The following SLC7A14 variants were observed in gnomAD, a reference collection of about 807,000 sequenced individuals.
SLC7A14 encodes gamma-aminobutyric acid transporter SLC7A14.
A neutral mutation model predicts 60.2 loss-of-function variants in SLC7A14; 37 were observed. That is an observed-to-expected ratio of 0.61 (90% CI 0.47 to 0.81). The LOEUF (loss-of-function observed/expected upper bound fraction) is 0.81. Ranked by LOEUF, SLC7A14 falls within the 30% of genes least tolerant of loss-of-function variation. The pLI, the probability that SLC7A14 is intolerant of heterozygous loss-of-function variation, is 0.00. For missense variants in SLC7A14, 886 were observed against 982.7 expected (o/e 0.90, Z 1.32); for synonymous variants, 399 against 395.8 (o/e 1.01, Z -0.10).
At position 170,465,481 on chromosome 3, in the gene SLC7A14, A is replaced by G. The variant is rs1577487155; in HGVS notation, c.*1574T>C. The G allele has an allele frequency of 6.6e-6, 1 of 152,256 alleles. No homozygotes were observed. The highest frequency in any genetic ancestry group is 1.5e-5 in the Non-Finnish European group (1 of 68,042). 9.4% of individuals were successfully genotyped at this position (152,256 alleles called of 1,614,324 possible). ...AAAAATGGACTTTTACCTCCTTGCC[A>G]TAATCCTAAAGCATGCCAAGATGGC... On this transcript the variant is annotated 3_prime_UTR_variant, in exon 8 of 8. Coordinates refer to ENST00000231706, the MANE Select transcript of SLC7A14 (RefSeq NM_020949.3).
intron 2 of SLC7A14, among the ~76,000 whole-genome samples, chr3:170,508,312 T>G (rs2108284281): frequency 6.6e-6 from 1 of 152,330 alleles, no homozygotes; most frequent in East Asian, 1.9e-4. Flanking sequence ...GAAAACAATT[T>G]GCCAACTTTA....
chr3:170,471,678 G>A (rs1233302396), intron 7 of SLC7A14, among the ~76,000 whole-genome samples: 1 of 152,102 alleles, frequency 6.6e-6, no homozygotes, highest in Non-Finnish European at 1.5e-5. Context: ...ACTGGGAACG[G>A]CATCATATAC....
intron 1 of SLC7A14, among the ~76,000 whole-genome samples, chr3:170,547,427 C>T (rs1220272127): frequency 2.6e-5 from 4 of 152,068 alleles, no homozygotes; most frequent in African/African-American, 9.7e-5. Flanking sequence ...TGACCAGAAG[C>T]CTTACCAACA....
intron 2 of SLC7A14, among the ~76,000 whole-genome samples, chr3:170,511,408 GA>G (rs201786258): frequency 6.6e-6 from 1 of 151,370 alleles, no homozygotes; most frequent in Non-Finnish European, 1.5e-5. Flanking sequence ...AAAAAAAAAA[GA>G]AAAAAAAGGA....
chr3:170,544,399 A>G (rs1714116441), intron 1 of SLC7A14, among the ~76,000 whole-genome samples: 1 of 152,158 alleles, frequency 6.6e-6, no homozygotes, highest in South Asian at 2.1e-4. Flanking sequence ...AAAAACTGAG[A>G]GATTAAAAGG....
In SLC7A14 at chr3:170,466,630, C is replaced by G. The variant is rs1399826009; in HGVS notation, c.*425G>C. 6.4e-6 allele frequency: 1 copy of G among 157,186 alleles called. No homozygotes were observed. Among genetic ancestry groups the G allele is most frequent in the Non-Finnish European group, 1.4e-5 (1 of 71,598 alleles). The allele number at this position is 157,186 out of a possible 1,614,324, so 9.7% of individuals were successfully genotyped here. On this transcript the variant is annotated 3_prime_UTR_variant, in exon 8 of 8. Coordinates refer to ENST00000231706, the MANE Select transcript of SLC7A14 (RefSeq NM_020949.3). Reference sequence around the variant, plus strand: ...AAGTGCCAATGCCCATCTACCCACCCTGACCTCGGGGAGCAGCACTCAGCC... The same window carrying G: ...AAGTGCCAATGCCCATCTACCCACCGTGACCTCGGGGAGCAGCACTCAGCC...
At chr3:170,527,230 C>CA in intron 1 of SLC7A14, 142 bp from the exon 2 acceptor site, 1 of 436,106 alleles carries the variant, frequency 2.3e-6, no homozygotes, top group Admixed American at 3.7e-5. Context: ...TTCCATGGTT[C>CA]CACTCTCCTT....
chr3:170,562,151 G>C (rs1300988663), intron 1 of SLC7A14, among the ~76,000 whole-genome samples: 1 of 152,154 alleles, frequency 6.6e-6, no homozygotes, highest in African/African-American at 2.4e-5. Flanking sequence ...TATCTACCCA[G>C]AGGAATAAAA....
rs11336080 is a variant in SLC7A14 at position 170,499,236 on chromosome 3, C to CAAA, written c.542-355_542-353dup. On this transcript the variant is annotated intron_variant, in intron 3 of 7. Transcript: ENST00000231706. Reference sequence around the variant, plus strand: ...TGGGGGACAGAGTGAGACTCTGTCTCAAAAAAAAAAAAAAAAAAAAAAAAA... The same window carrying CAAA: ...TGGGGGACAGAGTGAGACTCTGTCTCAAAAAAAAAAAAAAAAAAAAAAAAAAAA... 5.0e-3 allele frequency among the ~76,000 whole-genome samples: 297 copies of CAAA among 59,928 alleles called. 2 individuals carry two copies. The highest frequency in any genetic ancestry group is 5.6e-3 in the Non-Finnish European group (207 of 36,868). 39.3% of individuals were successfully genotyped at this position (59,928 alleles called of 152,430 possible).
At chr3:170,564,216 T>G (rs1477150766) in intron 1 of SLC7A14, among the ~76,000 whole-genome samples, 1 of 152,148 alleles carries the variant, frequency 6.6e-6, no homozygotes, top group Non-Finnish European at 1.5e-5. Flanking sequence ...TCATAGAAAT[T>G]ATAGGTCCTC....
intron 1 of SLC7A14, among the ~76,000 whole-genome samples, chr3:170,563,985 T>C (rs1160866921): frequency 1.3e-5 from 2 of 152,228 alleles, no homozygotes; most frequent in African/African-American, 4.8e-5. Flanking sequence ...CTTACTATTA[T>C]GTTCTAGTGA....
intron 1 of SLC7A14, among the ~76,000 whole-genome samples, chr3:170,546,597 A>G (rs1052056596): frequency 2.6e-5 from 4 of 152,212 alleles, no homozygotes; most frequent in Admixed American, 2.6e-4. Context: ...CTAGCATTGT[A>G]CTTTTAAACA....
At chr3:170,525,967 A>G (rs908999898) in intron 2 of SLC7A14, among the ~76,000 whole-genome samples, 2 of 152,086 alleles carry the variant, frequency 1.3e-5, no homozygotes, top group African/African-American at 4.8e-5. Flanking sequence ...GCTACTCAGG[A>G]GGCTGAGGCT....
At chr3:170,529,463 G>A (rs1028297107) in intron 1 of SLC7A14, among the ~76,000 whole-genome samples, 10 of 152,074 alleles carry the variant, frequency 6.6e-5, no homozygotes, top group African/African-American at 1.4e-4. Context: ...TAATTCATCC[G>A]TTCAAGAAAC....
Position 170,480,717 on chromosome 3 carries a change from G to A in SLC7A14, c.1565C>T (p.Ala522Val), listed in dbSNP as rs545083036. 164 of 1,614,088 alleles carry A rather than the reference G, an allele frequency of 1.0e-4. No homozygotes were observed. Among genetic ancestry groups the A allele is most frequent in the Non-Finnish European group, 1.3e-4 (159 of 1,180,046 alleles). Residue 522 changes from alanine (A) to valine (V), a missense_variant, in exon 7 of 8, where the codon GCT becomes GTT. Physicochemically the swap from Ala to Val is moderately conservative, Grantham distance 64. Coordinates refer to ENST00000231706, the MANE Select transcript of SLC7A14 (RefSeq NM_020949.3). ...GTVDMTTGIEADESENIYLIK... is the reference protein window; with the variant it reads ...GTVDMTTGIEVDESENIYLIK... ...GAGATAAATATTTTCGGATTCATCA[G>A]CTTCTATGCCTGTGGTCATGTCCAC...
chr3:170,556,876 A>T (rs1714498542), intron 1 of SLC7A14, among the ~76,000 whole-genome samples: 1 of 152,228 alleles, frequency 6.6e-6, no homozygotes, highest in African/African-American at 2.4e-5. Context: ...GATCTACGTT[A>T]TTCTCACTGA....
chr3:170,503,583 A>G (rs1024074046), intron 2 of SLC7A14, among the ~76,000 whole-genome samples: 5 of 152,162 alleles, frequency 3.3e-5, no homozygotes, highest in African/African-American at 9.7e-5. Context: ...CCTATATTCT[A>G]TGAGCTTATT....
At position 170,480,498 on chromosome 3, in the gene SLC7A14, C is replaced by A; in HGVS notation, c.1784G>T (p.Trp595Leu). The A allele has an allele frequency of 6.2e-7, 1 of 1,614,176 alleles. No individual in the cohort carries two copies. The highest frequency in any genetic ancestry group is 8.5e-7 in the Non-Finnish European group (1 of 1,180,022). Residue 595 changes from tryptophan (W) to leucine (L), a missense_variant, in exon 7 of 8, where the codon TGG (tryptophan) becomes TTG (leucine). Trp to Leu is a moderately conservative substitution (Grantham distance 61). Transcript: ENST00000231706. ...FGSDYISEQSWWAILLVVLMV... is the reference protein window; with the variant it reads ...FGSDYISEQSLWAILLVVLMV... ...CAGAACAACCAGAAGGATGGCCCACCAGCTCTGCTCTGAGATGTAGTCAGA... is the reference window on the plus strand; with the variant it reads ...CAGAACAACCAGAAGGATGGCCCACAAGCTCTGCTCTGAGATGTAGTCAGA...
At chr3:170,552,147 A>G (rs1560278323) in intron 1 of SLC7A14, among the ~76,000 whole-genome samples, 1 of 152,186 alleles carries the variant, frequency 6.6e-6, no homozygotes, top group Admixed American at 6.5e-5. Flanking sequence ...TAGTGGACTC[A>G]GCACCATTTG....
Sources: allele counts gnomAD v4.1 joint callset (sites outside exome capture counted in the v4.1 genomes callset), GRCh38; gene constraint gnomAD v4.1.1; transcripts MANE v1.5; gene names NCBI Gene and HGNC (gene_info 2026-07-23, HGNC 2026-07-21).